The following CNNM4 variants were observed in gnomAD, a reference collection of about 807,000 sequenced individuals.
CNNM4 encodes the protein metal transporter CNNM4.
A neutral mutation model predicts 53.7 loss-of-function variants in CNNM4; 32 were observed. The observed-to-expected ratio is 0.60, with a 90% CI of 0.45 to 0.80. The LOEUF (loss-of-function observed/expected upper bound fraction) is 0.80, where lower values mean the gene tolerates loss of function less well. CNNM4 is among the 30% of genes least tolerant of loss of function. The pLI is 0.00. For missense variants in CNNM4, 784 were observed against 1,022.0 expected (o/e 0.77, Z 3.17); for synonymous variants, 410 against 440.0 (o/e 0.93, Z 0.85).
In CNNM4 at chr2:96,762,783, C is replaced by G. The variant is rs192095544; in HGVS notation, c.1402+382C>G. On this transcript the variant is annotated intron_variant, in intron 1 of 6. Transcript: ENST00000377075. ...AGGGGCTGGGAAATTGGGGAATCCA[C>G]AGGGGAAGGAGCATTTGAGGAGAAT... Among the ~76,000 whole-genome samples, 9 of 152,116 alleles carry G rather than the reference C, an allele frequency of 5.9e-5. No homozygotes were observed. The East Asian group carries it at 1.7e-3, about 29-fold the overall frequency.
Position 96,800,827 on chromosome 2 carries a change from C to G in CNNM4, c.1948+1179C>G, listed in dbSNP as rs1446482142. On this transcript the variant is annotated intron_variant, in intron 5 of 6. Transcript: ENST00000377075. The surrounding 1 kb of genome is among the most constrained non-coding windows in gnomAD (Gnocchi z 4.6). ...CCGTTGACCCATAGTCTCTCTGTTC[C>G]CACTTGGTGTGGCCAGAAGAGAGGG... Among the ~76,000 whole-genome samples the G allele has an allele frequency of 6.6e-6, 1 of 152,202 alleles. No homozygotes were observed. The highest frequency in any genetic ancestry group is 2.4e-5 in the African/African-American group (1 of 41,440).
chr2:96,805,438 T>A lies in CNNM4; in HGVS notation c.1949-3123T>A, dbSNP rs1438076854. ...TTTCAGTTTTTTTTTTTTTTTTTTT[T>A]TATTATTTTTTTTTAAATTTATTTT... is the stretch of plus-strand genomic sequence containing the variant. On this transcript the variant is annotated intron_variant, in intron 5 of 6. Transcript: ENST00000377075. 8.3e-5 allele frequency among the ~76,000 whole-genome samples: 11 copies of A among 133,234 alleles called. 1 individual carries two copies. The East Asian group carries it at 1.8e-3, about 22-fold the overall frequency. 87.4% of individuals were successfully genotyped at this position (133,234 alleles called of 152,430 possible).
At position 96,799,412 on chromosome 2, in the gene CNNM4, G is replaced by A; in HGVS notation, c.1852-140G>A. The A allele has an allele frequency of 2.7e-6, 3 of 1,104,792 alleles. No homozygotes were observed. In the South Asian group the frequency reaches 4.0e-5, roughly 15 times the overall value. The allele number at this position is 1,104,792 out of a possible 1,614,324, so 68.4% of individuals were successfully genotyped here. On this transcript the variant is annotated intron_variant, in intron 4 of 6. Coordinates refer to ENST00000377075, the MANE Select transcript of CNNM4 (RefSeq NM_020184.4). ...TGAGAGGCCACTCTTGATCTCACAGGTCAGGCCCCTGAGCTCTCCAGGGCT... is the reference window on the plus strand; with the variant it reads ...TGAGAGGCCACTCTTGATCTCACAGATCAGGCCCCTGAGCTCTCCAGGGCT...
rs2153349276 is a variant in CNNM4, at chr2:96,797,082, G to A, written c.1473G>A (p.Leu491=). The A allele has an allele frequency of 6.2e-7, 1 of 1,614,098 alleles. No homozygotes were observed. ...AGGGTGACCCCTTCTACGAGGTCCT[G>A]GGCCTGGTCACCCTGGAGGACGTGA... is the stretch of plus-strand genomic sequence containing the variant. The part of the protein sequence containing the change: ...EGEGDPFYEV[L]GLVTLEDVIE... The change falls in exon 2 of 7, where the codon CTG becomes CTA. Residue 491 remains leucine, a synonymous_variant. Transcript: ENST00000377075. The surrounding 1 kb of genome is among the most constrained non-coding windows in gnomAD (Gnocchi z 6.0).
intron 1 of CNNM4, among the ~76,000 whole-genome samples, chr2:96,794,375 C>G (rs930913023): frequency 6.6e-6 from 1 of 152,128 alleles, no homozygotes; most frequent in Non-Finnish European, 1.5e-5. Flanking sequence ...CCAAATACCC[C>G]CAAAGGTGAC....
chr2:96,774,669 A>G (rs993545818), intron 1 of CNNM4, among the ~76,000 whole-genome samples: 4 of 152,130 alleles, frequency 2.6e-5, no homozygotes, highest in African/African-American at 9.7e-5. Flanking sequence ...TGTAGCTGTT[A>G]AGAAAGAGAG....
At chr2:96,772,229 C>A (rs1003687537) in intron 1 of CNNM4, among the ~76,000 whole-genome samples, 1 of 151,278 alleles carries the variant, frequency 6.6e-6, no homozygotes, top group Non-Finnish European at 1.5e-5. Context: ...CACTCATACC[C>A]CCACAAAGGC....
In CNNM4 at chr2:96,771,426, T is replaced by C. The variant is rs533745213; in HGVS notation, c.1402+9025T>C. The stretch of plus-strand genomic sequence containing the variant: ...AAAACCTTATAACAAACAGCATGGC[T>C]GGATGCAGTGGTTCACACCTATAAT... On this transcript the variant is annotated intron_variant, in intron 1 of 6. Coordinates refer to ENST00000377075, the MANE Select transcript of CNNM4 (RefSeq NM_020184.4). Among the ~76,000 whole-genome samples, 3 of 152,270 alleles carry C rather than the reference T, an allele frequency of 2.0e-5. No homozygotes were observed. The East Asian group carries it at 5.8e-4, about 29-fold the overall frequency.
chr2:96,772,881 G>A (rs946949647), intron 1 of CNNM4, among the ~76,000 whole-genome samples: 8 of 140,048 alleles, frequency 5.7e-5, no homozygotes, highest in African/African-American at 2.2e-4. Context: ...TCCCCACAAA[G>A]GCACAGGCAG....
At chr2:96,779,194 G>C (rs548377163) in intron 1 of CNNM4, among the ~76,000 whole-genome samples, 4 of 152,240 alleles carry the variant, frequency 2.6e-5, no homozygotes, top group African/African-American at 9.6e-5. Context: ...TCCTGAGCTC[G>C]TGATCCGCCC....
chr2:96,806,538 C>T (rs1356261140), intron 5 of CNNM4, among the ~76,000 whole-genome samples: 13 of 133,898 alleles, frequency 9.7e-5, no homozygotes, highest in African/African-American at 2.4e-4. Flanking sequence ...CACACACACG[C>T]GCGCGCGCGC....
intron 1 of CNNM4, among the ~76,000 whole-genome samples, chr2:96,767,418 C>G (rs2078828548): frequency 6.6e-6 from 1 of 152,160 alleles, no homozygotes; most frequent in Non-Finnish European, 1.5e-5. Context: ...CTTGGAATCT[C>G]AGAACAAAGC....
chr2:96,809,445 G>A lies in CNNM4; in HGVS notation c.2256G>A (p.Val752=). The A allele has an allele frequency of 1.2e-6, 2 of 1,614,202 alleles. No individual in the cohort carries two copies. The highest frequency in any genetic ancestry group is 1.6e-4 in the Middle Eastern group (1 of 6,062). Residue 752 remains valine, a synonymous_variant, in exon 7 of 7, where the codon GTG becomes GTA. Transcript: ENST00000377075. ...NLAEKSELPV[V]DETTTLLNER... is the part of the protein sequence containing the mutation. ...CCGAGAAGTCTGAGCTGCCTGTGGT[G>A]GACGAGACCACAACTCTTCTCAACG...
chr2:96,767,239 C>T (rs902019876), intron 1 of CNNM4, among the ~76,000 whole-genome samples: 86 of 152,276 alleles, frequency 5.6e-4, no homozygotes, highest in African/African-American at 2.0e-3. Context: ...CCCCATGCTG[C>T]GTGCAAGACG....
intron 1 of CNNM4, 72 bp from the exon 2 acceptor site, chr2:96,796,934 CTAGAGT>C: frequency 6.7e-7 from 1 of 1,485,446 alleles, no homozygotes; most frequent in Non-Finnish European, 9.3e-7. Flanking sequence ...GACCCTACGT[CTAGAGT>C]TAATGTTTTG....
chr2:96,790,396 C>G (rs1435407975), intron 1 of CNNM4, among the ~76,000 whole-genome samples: 3 of 151,500 alleles, frequency 2.0e-5, no homozygotes, highest in Non-Finnish European at 4.4e-5. Flanking sequence ...CTCTTGTTGC[C>G]CAGGCTGGAG....
intron 6 of CNNM4, 97 bp from the exon 7 acceptor site, chr2:96,809,223 A>C: frequency 6.4e-7 from 1 of 1,568,680 alleles, no homozygotes; most frequent in Non-Finnish European, 8.6e-7. Context: ...GTTCTCTCTC[A>C]ACTCACAGCC....
At chr2:96,798,934 A>G in intron 3 of CNNM4, 123 bp from the exon 4 acceptor site, 2 of 976,298 alleles carry the variant, frequency 2.0e-6, no homozygotes, top group South Asian at 2.6e-5. Flanking sequence ...GGGCCGGCCG[A>G]GCAGGGCGGG....
At chr2:96,762,516 C>T in intron 1 of CNNM4, 115 bp downstream of exon 1, 21 of 968,018 alleles carry the variant, frequency 2.2e-5, no homozygotes, top group Non-Finnish European at 3.2e-5. Flanking sequence ...TGTCCCTTTG[C>T]CTATCGCTTC....
Sources: allele counts gnomAD v4.1 joint callset (sites outside exome capture counted in the v4.1 genomes callset), GRCh38; gene constraint gnomAD v4.1.1; non-coding constraint Gnocchi (gnomAD v3.1); transcripts MANE v1.5; gene names NCBI Gene and HGNC (gene_info 2026-07-23, HGNC 2026-07-21).